Variants in VRK3 observed in about 807,000 individuals in gnomAD.
VRK3 encodes serine/threonine-protein kinase VRK3.
VRK3 carries 50 observed loss-of-function variants against 60.4 expected under a neutral mutation model. The observed-to-expected ratio is 0.83, with a 90% CI of 0.66 to 1.05. The LOEUF (loss-of-function observed/expected upper bound fraction) is 1.05, where lower values mean the gene tolerates loss of function less well. Ranked by LOEUF, VRK3 falls within the 50% of genes least tolerant of loss-of-function variation. VRK3 has a pLI of 0.00. For synonymous variants in VRK3, 246 were observed against 227.8 expected, an observed-to-expected ratio of 1.08 and a Z score of -0.72; for missense variants, 549 against 585.3, an observed-to-expected ratio of 0.94 and a Z score of 0.64.
At chr19:50,020,162 T>A (rs1472407523) in intron 2 of VRK3, among the ~76,000 whole-genome samples, 1 of 152,108 alleles carries the variant, frequency 6.6e-6, no homozygotes, top group South Asian at 2.1e-4. Context: ...TGCCTCAGCA[T>A]CCTGAGTAGC....
intron 12 of VRK3, among the ~76,000 whole-genome samples, chr19:49,983,928 T>C (rs10421274): frequency 0.01 from 1,569 of 150,422 alleles, 20 homozygotes; most frequent in African/African-American, 0.037. Flanking sequence ...AGAGCATTTT[T>C]GTGCGCCTGG....
At chr19:49,989,524 C>A (rs138030014) in intron 11 of VRK3, 115 bp downstream of exon 11, 2 of 1,376,664 alleles carry the variant, frequency 1.5e-6, no homozygotes, top group Non-Finnish European at 1.9e-6. Context: ...CCTGTCCTGG[C>A]GCCCTTAGTG....
chr19:50,004,949 G>T (rs1235166681), intron 5 of VRK3, among the ~76,000 whole-genome samples: 1 of 138,450 alleles, frequency 7.2e-6, no homozygotes, highest in Admixed American at 6.8e-5. Context: ...TGCTCCCTAG[G>T]TGTTAGCCAC....
At chr19:49,991,739 C>T (rs867204954) in intron 10 of VRK3, among the ~76,000 whole-genome samples, 8 of 152,148 alleles carry the variant, frequency 5.3e-5, no homozygotes, top group African/African-American at 1.7e-4. Flanking sequence ...TGCCTGACAA[C>T]GAGCAGTGCA....
rs2077156758 is a variant in VRK3 at position 50,020,620 on chromosome 19, G to A, written c.-37C>T. On this transcript the variant is annotated 5_prime_UTR_variant, in exon 2 of 15. The change creates a premature stop within an existing upstream ORF in the 5' untranslated region. Transcript: ENST00000316763. ...TCACGGTCTGGCCCTTGGATTTACT[G>A]GGTTGGAAACTCCATCTTGACAGCG... 1 of 152,226 alleles carries A rather than the reference G, an allele frequency of 6.6e-6. No homozygotes were observed. The highest frequency in any genetic ancestry group is 2.4e-5 in the African/African-American group (1 of 41,426). 9.4% of individuals were successfully genotyped at this position (152,226 alleles called of 1,614,324 possible).
chr19:50,022,328 C>G (rs1057413609), intron 1 of VRK3, among the ~76,000 whole-genome samples: 1 of 152,212 alleles, frequency 6.6e-6, no homozygotes, highest in Non-Finnish European at 1.5e-5. Flanking sequence ...GTTCTGACAC[C>G]GTCACCAGCC....
intron 6 of VRK3, chr19:50,000,134 A>T (rs1386607826): frequency 6.6e-6 from 1 of 152,300 alleles, no homozygotes; most frequent in Non-Finnish European, 1.5e-5. Flanking sequence ...CTGATAAACA[A>T]AAAGAAAATA....
chr19:50,017,284 G>C (rs879835525), intron 2 of VRK3, among the ~76,000 whole-genome samples: 3 of 150,480 alleles, frequency 2.0e-5, no homozygotes, highest in African/African-American at 4.9e-5. Flanking sequence ...AATTAAAAGT[G>C]AAACTATTGG....
chr19:49,995,048 TG>T, intron 8 of VRK3, 129 bp from the exon 9 acceptor site: 1 of 1,270,876 alleles, frequency 7.9e-7, no homozygotes, highest in Non-Finnish European at 1.1e-6. Context: ...TCTGACTGGC[TG>T]GGCAGCAAAC....
rs926871852 is a variant in VRK3, at chr19:49,976,686, C to G, written c.*110G>C. On this transcript the variant is annotated 3_prime_UTR_variant, in exon 15 of 15. Coordinates refer to ENST00000316763, the MANE Select transcript of VRK3 (RefSeq NM_016440.4). ...GAAACCAGTGGCAGGAATGCACATT[C>G]CAGGGCTTGTTCTAGAAGCTTATCT... is the stretch of plus-strand genomic sequence containing the variant. The G allele has an allele frequency of 1.3e-5, 2 of 152,672 alleles. No individual in the cohort carries two copies. Among genetic ancestry groups the G allele is most frequent in the Admixed American group, 1.3e-4 (2 of 15,288 alleles). 9.5% of individuals were successfully genotyped at this position (152,672 alleles called of 1,614,324 possible).
intron 5 of VRK3, among the ~76,000 whole-genome samples, chr19:50,004,825 A>C (rs1469937955): frequency 6.6e-6 from 1 of 151,874 alleles, no homozygotes; most frequent in Non-Finnish European, 1.5e-5. Flanking sequence ...GGGGAGAATC[A>C]CTTGAGCCTG....
intron 1 of VRK3, among the ~76,000 whole-genome samples, chr19:50,023,840 TGG>T (rs2077212619): frequency 6.6e-6 from 1 of 152,296 alleles, no homozygotes; most frequent in South Asian, 2.1e-4. Flanking sequence ...TCTAGCTGGA[TGG>T]TCCCTAAAAA....
intron 8 of VRK3, 57 bp from the exon 9 acceptor site, chr19:49,994,976 G>C (rs779223155): frequency 2.2e-5 from 33 of 1,525,374 alleles, no homozygotes; most frequent in Non-Finnish European, 2.9e-5. Context: ...GAGGAGTACC[G>C]GCCGCCAAGG....
chr19:49,982,238 T>G, intron 12 of VRK3: 1 of 702,704 alleles, frequency 1.4e-6, no homozygotes, highest in South Asian at 1.5e-5. Context: ...GCACCGTAGC[T>G]CATGCCTGAA....
chr19:49,988,297 T>C (rs1299984913), intron 12 of VRK3, 75 bp downstream of exon 12: 1 of 1,549,776 alleles, frequency 6.5e-7, no homozygotes, highest in Non-Finnish European at 8.7e-7. Flanking sequence ...TGCTCCCAGT[T>C]GGGCTCTGGG....
At chr19:49,996,213 C>T (rs1193178061) in intron 7 of VRK3, among the ~76,000 whole-genome samples, 1 of 150,204 alleles carries the variant, frequency 6.7e-6, no homozygotes, top group Non-Finnish European at 1.5e-5. Context: ...AGCCACCACG[C>T]CCGGCCTTTT....
intron 3 of VRK3, among the ~76,000 whole-genome samples, chr19:50,010,419 T>C (rs1451405212): frequency 6.6e-6 from 1 of 152,246 alleles, no homozygotes; most frequent in East Asian, 1.9e-4. Context: ...CTCATGATCC[T>C]TGGATGTTGA....
In VRK3 at chr19:49,992,915, A is replaced by G; in HGVS notation, c.908T>C (p.Val303Ala). 6.2e-7 allele frequency: 1 copy of G among 1,613,766 alleles called. No individual in the cohort carries two copies. The highest frequency in any genetic ancestry group is 1.3e-5 in the African/African-American group (1 of 75,052). The change falls in exon 10 of 15, where the codon GTT becomes GCT. Residue 303 changes from valine to alanine, a missense_variant. Coordinates refer to ENST00000316763, the MANE Select transcript of VRK3 (RefSeq NM_016440.4). ...ATTTTCAGCTGTCACATTTCCATGA[A>G]CATACTCATTCTCATGGAGGAACTC... Reference protein sequence around the residue: ...ALEFLHENEYVHGNVTAENIF... With the variant: ...ALEFLHENEYAHGNVTAENIF...
chr19:50,000,387 G>A (rs1181843059), intron 6 of VRK3: 1 of 208,710 alleles, frequency 4.8e-6, no homozygotes, highest in South Asian at 6.8e-5. Context: ...CATCTGCTGG[G>A]TTCTCTTTTG....
Sources: allele counts gnomAD v4.1 joint callset (sites outside exome capture counted in the v4.1 genomes callset), GRCh38; gene constraint gnomAD v4.1.1; transcripts MANE v1.5; gene names NCBI Gene and HGNC (gene_info 2026-07-23, HGNC 2026-07-21).